The following NBDY variants were observed in gnomAD, a reference collection of about 807,000 sequenced individuals.
The protein encoded by NBDY is P-body dissociating protein.
chrX:56,737,128 A>C, intron 2 of NBDY: 1 of 511,788 alleles, frequency 2.0e-6, no homozygotes, highest in Non-Finnish European at 3.6e-6. Flanking sequence ...TCCAGCCATT[A>C]CAATAGACAT....
At chrX:56,798,926 G>C (rs773774691) in intron 2 of NBDY, among the ~76,000 whole-genome samples, 1 of 111,854 alleles carries the variant, frequency 8.9e-6, no homozygotes, top group East Asian at 2.8e-4. Flanking sequence ...AAAAGGTGGA[G>C]GCCCTCAGGG....
chrX:56,797,196 C>G (rs1321540832), intron 2 of NBDY, among the ~76,000 whole-genome samples: 4 of 104,246 alleles, frequency 3.8e-5, no homozygotes, highest in Non-Finnish European at 7.9e-5. Flanking sequence ...TTCTCTCCTT[C>G]TTTCCTTTTC....
intron 2 of NBDY, among the ~76,000 whole-genome samples, chrX:56,807,214 T>A (rs986111854): frequency 1.8e-5 from 2 of 112,343 alleles, no homozygotes; most frequent in African/African-American, 6.5e-5. Flanking sequence ...TTGGTTACTG[T>A]AGCCTTGTAG....
intron 2 of NBDY, among the ~76,000 whole-genome samples, chrX:56,752,277 C>A (rs1178486804): frequency 8.9e-6 from 1 of 112,114 alleles, no homozygotes; most frequent in African/African-American, 3.2e-5. Context: ...TTTGAGAAAT[C>A]TAAACTGCTT....
At chrX:56,797,629 G>A (rs2069800051) in intron 2 of NBDY, among the ~76,000 whole-genome samples, 1 of 111,050 alleles carries the variant, frequency 9.0e-6, no homozygotes, top group South Asian at 3.8e-4. Context: ...CTCTCTAAAT[G>A]TGTAAACCTG....
rs1453047116 is a variant in NBDY at position 56,818,808 on chromosome X, G to A, written c.*1655G>A. ...CTTATTACAAAGCTACAATAAACAA[G>A]TCTATGTGGTACTGGCATAGGATAT... On this transcript the variant is annotated 3_prime_UTR_variant, in exon 3 of 3. Transcript: ENST00000374922. 9.0e-6 allele frequency: 1 copy of A among 111,088 alleles called. No homozygotes were observed. Among genetic ancestry groups the A allele is most frequent in the African/African-American group, 3.3e-5 (1 of 30,630 alleles). 9.2% of individuals were successfully genotyped at this position (111,088 alleles called of 1,213,427 possible).
intron 2 of NBDY, among the ~76,000 whole-genome samples, chrX:56,787,845 T>A (rs1258950460): frequency 8.9e-6 from 1 of 112,451 alleles, no homozygotes; most frequent in African/African-American, 3.2e-5. Flanking sequence ...GTGGCCCCAG[T>A]GGCCCATTCT....
At chrX:56,797,053 T>C (rs2069795538) in intron 2 of NBDY, among the ~76,000 whole-genome samples, 2 of 110,279 alleles carry the variant, frequency 1.8e-5, no homozygotes, top group Admixed American at 1.9e-4. Context: ...ATTGTTCTTT[T>C]CCTCCTTTCC....
At chrX:56,786,626 C>T (rs1295284252) in intron 2 of NBDY, among the ~76,000 whole-genome samples, 2 of 76,566 alleles carry the variant, frequency 2.6e-5, no homozygotes, top group Non-Finnish European at 3.1e-5. Context: ...CCTCCTTCTC[C>T]TTCTTTCTGC....
chrX:56,735,668 CA>C (rs960254419), intron 2 of NBDY, among the ~76,000 whole-genome samples: 2 of 111,850 alleles, frequency 1.8e-5, no homozygotes, highest in Non-Finnish European at 3.8e-5. Flanking sequence ...GATGTCTGAA[CA>C]AATAGACCAG....
chrX:56,801,350 A>ACTCCTT lies in NBDY; in HGVS notation c.*167-15954_*167-15949dup, dbSNP rs749407801. The stretch of plus-strand genomic sequence containing the variant: ...TCTTTTTTCTTTTTCTTTTTCTTCT[A>ACTCCTT]CTCCTTCTCCTTCTCCTTCTCATTT... On this transcript the variant is annotated intron_variant, in intron 2 of 2. Coordinates refer to ENST00000374922, the MANE Select transcript of NBDY (RefSeq NM_001348129.2). Among the ~76,000 whole-genome samples, 152 of 88,778 alleles carry ACTCCTT rather than the reference A, an allele frequency of 1.7e-3. No individual in the cohort carries two copies. In the Middle Eastern group the frequency reaches 0.038, roughly 22 times the overall value. The allele number at this position is 88,778 out of a possible 115,157, so 77.1% of individuals were successfully genotyped here. A position where few individuals can be genotyped will look rare whatever the true frequency, so the allele number is the denominator to read the frequency against.
chrX:56,758,579 G>A (rs1439910401), intron 2 of NBDY, among the ~76,000 whole-genome samples: 2 of 111,776 alleles, frequency 1.8e-5, no homozygotes, highest in Non-Finnish European at 1.9e-5. Context: ...TGGCATATTT[G>A]ATGATGGAGC....
intron 2 of NBDY, among the ~76,000 whole-genome samples, chrX:56,788,297 G>A (rs1391247454): frequency 8.9e-6 from 1 of 112,924 alleles, no homozygotes; most frequent in Non-Finnish European, 1.9e-5. Context: ...GAGAAGCAAG[G>A]TTATGGTTGT....
chrX:56,745,896 G>A (rs2069555390), intron 2 of NBDY, among the ~76,000 whole-genome samples: 1 of 111,237 alleles, frequency 9.0e-6, no homozygotes, highest in African/African-American at 3.3e-5. Context: ...TCCTTCTTAG[G>A]CACAAAATTC....
At chrX:56,735,906 C>T (rs1360323712) in intron 2 of NBDY, among the ~76,000 whole-genome samples, 1 of 91,129 alleles carries the variant, frequency 1.1e-5, no homozygotes, top group Non-Finnish European at 2.2e-5. Context: ...AGAAAATTGA[C>T]ATGATTTCAA....
chrX:56,799,126 G>T (rs2069809016), intron 2 of NBDY, among the ~76,000 whole-genome samples: 1 of 112,257 alleles, frequency 8.9e-6, no homozygotes, highest in African/African-American at 3.2e-5. Context: ...CATGGTCTAT[G>T]CTCATTCCCA....
In NBDY at chrX:56,729,595, A is replaced by G. The variant is rs1455846360; in HGVS notation, c.*29+6A>G. 2 of 295,709 alleles carry G rather than the reference A, an allele frequency of 6.8e-6. No individual in the cohort carries two copies. Among genetic ancestry groups the G allele is most frequent in the African/African-American group, 5.5e-5 (2 of 36,370 alleles). 24.4% of individuals were successfully genotyped at this position (295,709 alleles called of 1,213,427 possible). ...TTTCTCCCACCCTAAACCAGGTCAG[A>G]TTCTTTCTCATCTAGGACATCTAGG... is the stretch of plus-strand genomic sequence containing the variant. On this transcript the variant is annotated splice_donor_region_variant and intron_variant, in intron 1 of 2. Transcript: ENST00000374922.
chrX:56,749,626 A>G (rs1399193445), intron 2 of NBDY, among the ~76,000 whole-genome samples: 1 of 102,570 alleles, frequency 9.7e-6, no homozygotes, highest in African/African-American at 3.5e-5. Context: ...ATTGTCTTCT[A>G]GTGTTGTCAT....
At chrX:56,756,886 C>T (rs181473293) in intron 2 of NBDY, among the ~76,000 whole-genome samples, 306 of 109,946 alleles carry the variant, frequency 2.8e-3, no homozygotes, top group African/African-American at 9.5e-3. Context: ...AACCAGGAGG[C>T]GGGGGTTGTA....
Sources: gnomAD v4.1 joint callset for allele counts (sites outside exome capture counted in the v4.1 genomes callset) on GRCh38, gnomAD v4.1.1 for gene constraint, MANE v1.5 for transcripts, NCBI Gene and HGNC (gene_info 2026-07-23, HGNC 2026-07-21) for gene names.